The following HDAC9 variants were observed in gnomAD, a reference collection of about 807,000 sequenced individuals.
HDAC9 encodes MEF-2 interacting transcription repressor (MITR) protein.
In HDAC9, 41 loss-of-function variants were observed where a neutral mutation model predicts 139.4. The observed-to-expected ratio is 0.29, with a 90% CI of 0.23 to 0.38. HDAC9 has a LOEUF of 0.38. Among genes scored for constraint, HDAC9 ranks in the 10% least tolerant of loss-of-function variants. The pLI, the probability that HDAC9 is intolerant of heterozygous loss-of-function variation, is 1.00. For missense variants in HDAC9, 1,147 were observed against 1,297.0 expected (o/e 0.88, Z 1.78); for synonymous variants, 517 against 476.2 (o/e 1.09, Z -1.12).
At chr7:18,398,732 G>T (rs1340591852) in intron 1 of HDAC9, among the ~76,000 whole-genome samples, 1 of 152,070 alleles carries the variant, frequency 6.6e-6, no homozygotes, top group Admixed American at 6.6e-5. Flanking sequence ...TAAAAAGAAT[G>T]TGCTGTTGAG....
chr7:18,566,331 A>G (rs1421683442), intron 2 of HDAC9, among the ~76,000 whole-genome samples: 3 of 152,150 alleles, frequency 2.0e-5, no homozygotes, highest in African/African-American at 4.8e-5. Flanking sequence ...CCTGCTTTCA[A>G]TTCTCTATCA....
chr7:18,879,453 C>T (rs1010684500), intron 22 of HDAC9, among the ~76,000 whole-genome samples: 2 of 152,000 alleles, frequency 1.3e-5, no homozygotes, highest in African/African-American at 4.8e-5. Flanking sequence ...GGTACTGGTA[C>T]AAAAACAGGC....
In HDAC9 at chr7:18,771,823, C is replaced by T. The variant is rs887859661; in HGVS notation, c.2214+4668C>T. Among the ~76,000 whole-genome samples the T allele has an allele frequency of 3.9e-5, 6 of 152,062 alleles. No homozygotes were observed. In the South Asian group the frequency reaches 1.0e-3, roughly 26 times the overall value. ...TATGGACATATAGTTAAACTCAATGCGACAAAAGCTTGGTTAATAATGCAT... is the reference window on the plus strand; with the variant it reads ...TATGGACATATAGTTAAACTCAATGTGACAAAAGCTTGGTTAATAATGCAT... On this transcript the variant is annotated intron_variant, in intron 16 of 25. Transcript: ENST00000686413.
chr7:18,576,257 G>A (rs984207412), intron 2 of HDAC9, among the ~76,000 whole-genome samples: 2 of 152,198 alleles, frequency 1.3e-5, no homozygotes, highest in Non-Finnish European at 2.9e-5. Flanking sequence ...AAACAGGCCA[G>A]CCATGTTAGA....
intron 1 of HDAC9, among the ~76,000 whole-genome samples, chr7:18,294,069 T>C (rs1218967832): frequency 6.6e-6 from 1 of 152,160 alleles, no homozygotes; most frequent in Non-Finnish European, 1.5e-5. Flanking sequence ...TTATTCACAA[T>C]TGCTTAGCAT....
intron 2 of HDAC9, among the ~76,000 whole-genome samples, chr7:18,195,234 T>C (rs1178326): frequency 0.038 from 5,800 of 152,202 alleles, 154 homozygotes; most frequent in African/African-American, 0.06. Context: ...GGTTCCCATA[T>C]TTTTATCTAA....
At chr7:18,937,751 C>T (rs1339621082) in intron 23 of HDAC9, among the ~76,000 whole-genome samples, 1 of 152,168 alleles carries the variant, frequency 6.6e-6, no homozygotes, top group Non-Finnish European at 1.5e-5. Flanking sequence ...GGATCTGTAG[C>T]TCCATGGATA....
At chr7:18,345,784 T>C (rs1039196152) in intron 1 of HDAC9, among the ~76,000 whole-genome samples, 5 of 152,002 alleles carry the variant, frequency 3.3e-5, no homozygotes, top group African/African-American at 1.2e-4. Context: ...AAGTTGGTGC[T>C]GCCTATACCT....
intron 1 of HDAC9, among the ~76,000 whole-genome samples, chr7:18,372,943 TTGTC>T (rs1264981381): frequency 6.6e-6 from 1 of 152,358 alleles, no homozygotes; most frequent in South Asian, 2.1e-4. Context: ...GTTTAGTCAT[TTGTC>T]TGATACTTGT....
chr7:18,634,240 G>A (rs1229949854), intron 7 of HDAC9, among the ~76,000 whole-genome samples: 3 of 151,824 alleles, frequency 2.0e-5, no homozygotes, highest in Admixed American at 6.6e-5. Flanking sequence ...ATGGGTTAAC[G>A]ACTTGTCTTT....
At chr7:18,743,007 C>G (rs1787596571) in intron 13 of HDAC9, among the ~76,000 whole-genome samples, 1 of 152,196 alleles carries the variant, frequency 6.6e-6, no homozygotes, top group South Asian at 2.1e-4. Flanking sequence ...TATAGTAAAT[C>G]ATGTTCACTG....
At chr7:18,491,800 A>G (rs1796387626), upstream of HDAC9, among the ~76,000 whole-genome samples, 1 of 151,916 alleles carries the variant, frequency 6.6e-6, no homozygotes, top group Admixed American at 6.6e-5. Context: ...TCTGTTCTAT[A>G]TGGGTCCCCG....
chr7:18,908,833 A>G (rs1276935374), intron 22 of HDAC9, among the ~76,000 whole-genome samples: 1 of 152,054 alleles, frequency 6.6e-6, no homozygotes, highest in Non-Finnish European at 1.5e-5. Flanking sequence ...TTGATTCCAT[A>G]TCTTGGCTAT....
chr7:18,866,949 T>C (rs1585184592), intron 21 of HDAC9, among the ~76,000 whole-genome samples: 1 of 152,344 alleles, frequency 6.6e-6, no homozygotes, highest in Middle Eastern at 3.4e-3. Flanking sequence ...AATCTGATTC[T>C]GAGGAAGTTC....
intron 2 of HDAC9, among the ~76,000 whole-genome samples, chr7:18,249,538 T>A (rs1275253022): frequency 6.7e-6 from 1 of 148,272 alleles, no homozygotes; most frequent in Admixed American, 6.8e-5. Flanking sequence ...AAAAAAACTT[T>A]CTGAACAGAT....
chr7:18,487,690 C>T (rs1311835994), intron 1 of HDAC9, among the ~76,000 whole-genome samples: 2 of 151,986 alleles, frequency 1.3e-5, no homozygotes. Flanking sequence ...ATAGTTCACA[C>T]CCAATTAGAT....
At chr7:18,843,259 C>T (rs922853754) in intron 21 of HDAC9, among the ~76,000 whole-genome samples, 2 of 152,056 alleles carry the variant, frequency 1.3e-5, no homozygotes, top group Non-Finnish European at 2.9e-5. Flanking sequence ...AATTATATAA[C>T]CCTTGCCTGC....
intron 2 of HDAC9, among the ~76,000 whole-genome samples, chr7:18,262,726 G>T (rs1391300360): frequency 6.6e-6 from 1 of 152,134 alleles, no homozygotes; most frequent in Admixed American, 6.5e-5. Flanking sequence ...ACACAAAGAA[G>T]AGGGTAGAGA....
At chr7:18,478,628 A>G (rs1468078492) in intron 1 of HDAC9, among the ~76,000 whole-genome samples, 1 of 152,248 alleles carries the variant, frequency 6.6e-6, no homozygotes, top group Admixed American at 6.5e-5. Flanking sequence ...GATTCAATTT[A>G]GGATTGTACC....
Sources: gnomAD v4.1 joint callset for allele counts (sites outside exome capture counted in the v4.1 genomes callset) on GRCh38, gnomAD v4.1.1 for gene constraint, MANE v1.5 for transcripts, NCBI Gene and HGNC (gene_info 2026-07-23, HGNC 2026-07-21) for gene names.